TENM4: variants seen among roughly 807,000 people sequenced by gnomAD.
TENM4 encodes teneurin transmembrane protein 4, also known as teneurin-4.
A neutral mutation model predicts 243.3 loss-of-function variants in TENM4; 82 were observed. The observed-to-expected ratio is 0.34, with a 90% CI of 0.28 to 0.40. TENM4 has a LOEUF of 0.40. Among genes scored for constraint, TENM4 ranks in the 10% least tolerant of loss-of-function variants. The pLI is 1.00. For synonymous variants in TENM4, 1,412 were observed against 1,456.3 expected, an observed-to-expected ratio of 0.97 and a Z score of 0.69; for missense variants, 3,138 against 3,673.3, an observed-to-expected ratio of 0.85 and a Z score of 3.77.
At chr11:78,835,735 A>G in intron 12 of TENM4, among the ~76,000 whole-genome samples, 1 of 152,132 alleles carries the variant, frequency 6.6e-6, no homozygotes, top group East Asian at 1.9e-4. Context: ...TACTTAATAT[A>G]AACCTTCCCT....
chr11:78,838,442 G>A (rs139457891), intron 12 of TENM4, among the ~76,000 whole-genome samples: 33 of 152,078 alleles, frequency 2.2e-4, no homozygotes, highest in African/African-American at 7.7e-4. Flanking sequence ...TTTCTTTGTG[G>A]TTTCTTCAGT....
At chr11:78,853,220 T>G (rs1313704391) in intron 12 of TENM4, among the ~76,000 whole-genome samples, 1 of 152,170 alleles carries the variant, frequency 6.6e-6, no homozygotes, top group African/African-American at 2.4e-5. Context: ...TTCCATAACT[T>G]TTATTTTCCT....
chr11:79,018,364 GT>G (rs2136787836), intron 6 of TENM4, among the ~76,000 whole-genome samples: 1 of 152,246 alleles, frequency 6.6e-6, no homozygotes, highest in Admixed American at 6.5e-5. Flanking sequence ...TAGGCCAGGG[GT>G]AATCTCATTT....
rs554759032 is a variant in TENM4 at position 79,430,980 on chromosome 11, G to C, written c.-321+9529C>G. On this transcript the variant is annotated intron_variant, in intron 1 of 33. Coordinates refer to ENST00000278550, the MANE Select transcript of TENM4 (RefSeq NM_001098816.3). ...AAAAACAGATTAGGAGCAGCTAGGA[G>C]TCTCTGAGGCATTCTATAGCAGAAA... 4.6e-5 allele frequency among the ~76,000 whole-genome samples: 7 copies of C among 152,298 alleles called. No homozygotes were observed. In the South Asian group the frequency reaches 1.5e-3, roughly 32 times the overall value.
At chr11:78,809,778 C>G (rs149733198) in intron 14 of TENM4, among the ~76,000 whole-genome samples, 2 of 152,258 alleles carry the variant, frequency 1.3e-5, no homozygotes, top group African/African-American at 2.4e-5. Flanking sequence ...CAGAGCTTGC[C>G]ATTCAAGCCA....
intron 16 of TENM4, among the ~76,000 whole-genome samples, chr11:78,779,851 T>C (rs966806198): frequency 6.6e-6 from 1 of 152,234 alleles, no homozygotes; most frequent in South Asian, 2.1e-4. Context: ...ACTCTCTTCA[T>C]AAAAAACCAT....
intron 4 of TENM4, among the ~76,000 whole-genome samples, chr11:79,086,108 A>T (rs868327172): frequency 1.1e-4 from 16 of 152,206 alleles, no homozygotes; most frequent in South Asian, 2.1e-4. Flanking sequence ...GTAGTCCCCC[A>T]CACTAACTCT....
chr11:79,117,346 A>G (rs1426142481), intron 4 of TENM4, among the ~76,000 whole-genome samples: 3 of 152,198 alleles, frequency 2.0e-5, no homozygotes, highest in Non-Finnish European at 4.4e-5. Context: ...CTACATAGGC[A>G]GGAGGCTATT....
intron 12 of TENM4, among the ~76,000 whole-genome samples, chr11:78,826,854 A>G (rs1441568897): frequency 6.6e-6 from 1 of 152,200 alleles, no homozygotes; most frequent in East Asian, 1.9e-4. Flanking sequence ...CATGGGAATA[A>G]TCTCTTCTCA....
chr11:78,883,504 T>C (rs1187665045), intron 9 of TENM4, among the ~76,000 whole-genome samples: 2 of 152,198 alleles, frequency 1.3e-5, no homozygotes, highest in Non-Finnish European at 1.5e-5. Flanking sequence ...GACCTGGACC[T>C]GATGATACAG....
At chr11:79,048,919 A>G (rs191970809) in intron 6 of TENM4, among the ~76,000 whole-genome samples, 184 of 151,962 alleles carry the variant, frequency 1.2e-3, no homozygotes, top group African/African-American at 4.2e-3. Context: ...GGTGCTTAGA[A>G]CCTCAGGGGA....
In TENM4 at chr11:78,987,700, C is replaced by T. The variant is rs372719931; in HGVS notation, c.493+77038G>A. The stretch of plus-strand genomic sequence containing the variant: ...CTAAAAAATGATAAATGTGAAGGTG[C>T]TACATTCAAATAATAAAAATAGTAG... On this transcript the variant is annotated intron_variant, in intron 6 of 33. Transcript: ENST00000278550. 2.2e-4 allele frequency among the ~76,000 whole-genome samples: 33 copies of T among 152,154 alleles called. 1 individual carries two copies. In the South Asian group the frequency reaches 2.9e-3, roughly 13 times the overall value.
At chr11:79,417,337 C>T (rs10501441) in intron 1 of TENM4, among the ~76,000 whole-genome samples, 18,758 of 152,178 alleles carry the variant, frequency 0.12, 1,600 homozygotes, top group East Asian at 0.33. Context: ...TGGACTTCAG[C>T]GTCTTCCTCT....
chr11:79,204,267 A>C (rs539971580), intron 3 of TENM4, among the ~76,000 whole-genome samples: 2 of 152,348 alleles, frequency 1.3e-5, no homozygotes, highest in Admixed American at 6.5e-5. Context: ...CTGTATGTAT[A>C]TGTCAATTAT....
At chr11:78,776,584 A>C (rs1856744424) in intron 17 of TENM4, among the ~76,000 whole-genome samples, 1 of 152,230 alleles carries the variant, frequency 6.6e-6, no homozygotes, top group Non-Finnish European at 1.5e-5. Context: ...TACTCTGACA[A>C]GACCTGAGCT....
intron 18 of TENM4, among the ~76,000 whole-genome samples, chr11:78,769,695 C>T (rs529208712): frequency 6.6e-6 from 1 of 152,312 alleles, no homozygotes; most frequent in East Asian, 1.9e-4. Context: ...CTACTGTGGC[C>T]AGCCCCATAA....
At chr11:78,690,612 C>G (rs1858796132) in intron 28 of TENM4, among the ~76,000 whole-genome samples, 1 of 152,098 alleles carries the variant, frequency 6.6e-6, no homozygotes, top group East Asian at 1.9e-4. Flanking sequence ...ACTTATAGGG[C>G]AAGTTGAAGA....
chr11:78,815,759 C>T (rs1857592770), intron 12 of TENM4, among the ~76,000 whole-genome samples: 1 of 152,188 alleles, frequency 6.6e-6, no homozygotes, highest in Non-Finnish European at 1.5e-5. Flanking sequence ...CTGACAAGTA[C>T]ATATTGTTAT....
At chr11:78,936,867 C>G (rs1173096618) in intron 6 of TENM4, among the ~76,000 whole-genome samples, 1 of 152,022 alleles carries the variant, frequency 6.6e-6, no homozygotes, top group African/African-American at 2.4e-5. Flanking sequence ...AATTATAGCA[C>G]ATAGGTCAAA....
Sources: allele counts gnomAD v4.1 joint callset (sites outside exome capture counted in the v4.1 genomes callset), GRCh38; gene constraint gnomAD v4.1.1; transcripts MANE v1.5; gene names NCBI Gene and HGNC (gene_info 2026-07-23, HGNC 2026-07-21).